ATG2A: variants seen among roughly 807,000 people sequenced by gnomAD.
The protein encoded by ATG2A is autophagy related 2A.
ATG2A carries 103 observed loss-of-function variants against 214.2 expected under a neutral mutation model. The ratio of observed to expected loss-of-function variants is 0.48; its 90% CI spans 0.41 to 0.57. ATG2A has a LOEUF of 0.57. ATG2A is among the 20% of genes least tolerant of loss of function. The pLI is 0.00. For missense variants in ATG2A, 2,312 were observed against 2,613.2 expected, an observed-to-expected ratio of 0.88 and a Z score of 2.51; for synonymous variants, 1,160 against 1,142.1, an observed-to-expected ratio of 1.02 and a Z score of -0.32.
At chr11:64,914,313 GC>G in intron 2 of ATG2A, 24 bp downstream of exon 2, 1 of 1,572,630 alleles carries the variant, frequency 6.4e-7, no homozygotes. Flanking sequence ...CCACTTGCCT[GC>G]CCCCAGCCTC....
rs1366169977 is a variant in ATG2A, at chr11:64,895,242, G to GTGAGGAGA, written c.5580+40_5581-34dup. 1.2e-6 allele frequency: 2 copies of GTGAGGAGA among 1,613,116 alleles called. No individual in the cohort carries two copies. The highest frequency in any genetic ancestry group is 1.7e-6 in the Non-Finnish European group (2 of 1,179,814). On this transcript the variant is annotated intron_variant, in intron 40 of 40. Transcript: ENST00000377264. The surrounding 1 kb of genome is among the most constrained non-coding windows in gnomAD (Gnocchi z 5.0). ...AGCCAGAGGTCAGGGCGGGGTCTGTGTGAGGAGATGGGCATGGGGGACTGG... is the reference window on the plus strand; with the variant it reads ...AGCCAGAGGTCAGGGCGGGGTCTGTGTGAGGAGATGAGGAGATGGGCATGGGGGACTGG...
Position 64,907,592 on chromosome 11 carries a change from C to T in ATG2A, c.2580G>A (p.Ser860=), listed in dbSNP as rs774798745. ...AGAAGCCTGAGGGGCCGGGGAAGCC[C>T]GAGGGCTGGGCGGCGGGGTCGGGGG... ...LPTPDPAAQP[S]GFPGPSGFWH... is the part of the protein sequence containing the mutation. Residue 860 remains serine (S), a synonymous_variant, in exon 18 of 41, where the codon TCG becomes TCA. Coordinates refer to ENST00000377264, the MANE Select transcript of ATG2A (RefSeq NM_015104.3). 1.3e-6 allele frequency: 2 copies of T among 1,597,274 alleles called. No homozygotes were observed. Among genetic ancestry groups the T allele is most frequent in the East Asian group, 2.2e-5 (1 of 44,476 alleles).
rs143634092 is a variant in ATG2A, at chr11:64,913,376, G to A, written c.616C>T (p.Arg206Trp). ...ACCGGCGGCGCCTGGCTTGGGTCCC[G>A]CACTGCCTCATCACAGTACTCCAGT... ...QRLEYCDEAV[R>W]DPSQAPPVDV... The change falls in exon 5 of 41, where the codon CGG becomes TGG. Residue 206 changes from arginine (R) to tryptophan (W), a missense_variant. Transcript: ENST00000377264. The surrounding 1 kb of genome is among the most constrained non-coding windows in gnomAD (Gnocchi z 4.3). The A allele has an allele frequency of 7.4e-5, 118 of 1,595,414 alleles. No homozygotes were observed. Among genetic ancestry groups the A allele is most frequent in the Admixed American group, 2.8e-4 (16 of 58,160 alleles).
chr11:64,897,433 T>C lies in ATG2A; in HGVS notation c.5129A>G (p.Lys1710Arg), dbSNP rs1453825146. Reference protein sequence around the residue: ...AQLNCSELKLKRLCCRHGLLG... With the variant: ...AQLNCSELKLRRLCCRHGLLG... ...TCACCCGTGCCTGCAACAGAGCCGC[T>C]TTAGCTTCAGCTCGGAGCAGTTGAG... The change falls in exon 37 of 41, where the codon AAG becomes AGG. Residue 1710 changes from lysine (K) to arginine (R), a missense_variant. Coordinates refer to ENST00000377264, the MANE Select transcript of ATG2A (RefSeq NM_015104.3). The C allele has an allele frequency of 6.4e-7, 1 of 1,569,468 alleles. No homozygotes were observed. Among genetic ancestry groups the C allele is most frequent in the Non-Finnish European group, 8.6e-7 (1 of 1,157,012 alleles).
Position 64,913,521 on chromosome 11 carries a change from C to T in ATG2A, c.591-120G>A. 7.7e-7 allele frequency: 1 copy of T among 1,293,446 alleles called. No homozygotes were observed. The highest frequency in any genetic ancestry group is 1.0e-6 in the Non-Finnish European group (1 of 965,890). 80.1% of individuals were successfully genotyped at this position (1,293,446 alleles called of 1,614,324 possible). On this transcript the variant is annotated intron_variant, in intron 4 of 40. Transcript: ENST00000377264. This position sits in a 1 kb window ranked among gnomAD's most constrained non-coding sequence, Gnocchi z 4.3. Reference sequence around the variant, plus strand: ...AGCCTAGCCTGCAGAGCTGCCCCATCACACCTAGGCCGTCCTGAACCACCA... The same window carrying T: ...AGCCTAGCCTGCAGAGCTGCCCCATTACACCTAGGCCGTCCTGAACCACCA...
At position 64,895,224 on chromosome 11, in the gene ATG2A, G is replaced by A. The variant is rs764339266; in HGVS notation, c.5581-15C>T. Reference sequence around the variant, plus strand: ...TCCAAGATGCCCTGTGGAAGCCAGAGGTCAGGGCGGGGTCTGTGTGAGGAG... The same window carrying A: ...TCCAAGATGCCCTGTGGAAGCCAGAAGTCAGGGCGGGGTCTGTGTGAGGAG... On this transcript the variant is annotated splice_polypyrimidine_tract_variant and intron_variant, in intron 40 of 40. Coordinates refer to ENST00000377264, the MANE Select transcript of ATG2A (RefSeq NM_015104.3). This position sits in a 1 kb window ranked among gnomAD's most constrained non-coding sequence, Gnocchi z 5.0. 65 of 1,613,006 alleles carry A rather than the reference G, an allele frequency of 4.0e-5. No homozygotes were observed. The highest frequency in any genetic ancestry group is 5.1e-5 in the Non-Finnish European group (60 of 1,179,784).
At position 64,910,852 on chromosome 11, in the gene ATG2A, C is replaced by T. The variant is rs752711721; in HGVS notation, c.1569G>A (p.Leu523=). The T allele has an allele frequency of 1.2e-6, 2 of 1,608,472 alleles. No individual in the cohort carries two copies. Among genetic ancestry groups the T allele is most frequent in the Middle Eastern group, 1.6e-4 (1 of 6,080 alleles). Residue 523 remains leucine, a synonymous_variant, in exon 11 of 41, where the codon CTG becomes CTA. Transcript: ENST00000377264. ...AGGTGCCCCGGGGCCACAGACACTC[C>T]AGCACCTCCAGCTGCCCGAAGTGCA... ...MEVHFGQLEV[L]ECLWPRGTSE... is the part of the protein sequence containing the mutation.
Position 64,898,028 on chromosome 11 carries a change from T to G in ATG2A, c.4859-54A>C. Reference sequence around the variant, plus strand: ...ATGGGGCCAGGAATGACTGGGAACCTGTGCTGTCCTGGGAGGCAGAAGGCC... The same window carrying G: ...ATGGGGCCAGGAATGACTGGGAACCGGTGCTGTCCTGGGAGGCAGAAGGCC... On this transcript the variant is annotated intron_variant, in intron 34 of 40. Coordinates refer to ENST00000377264, the MANE Select transcript of ATG2A (RefSeq NM_015104.3). This position sits in a 1 kb window ranked among gnomAD's most constrained non-coding sequence, Gnocchi z 4.5. The G allele has an allele frequency of 6.2e-7, 1 of 1,602,414 alleles. No homozygotes were observed. Among genetic ancestry groups the G allele is most frequent in the Non-Finnish European group, 8.5e-7 (1 of 1,175,494 alleles).
chr11:64,895,160 T>A lies in ATG2A; in HGVS notation c.5630A>T (p.His1877Leu). The A allele has an allele frequency of 6.2e-7, 1 of 1,613,082 alleles. No individual in the cohort carries two copies. The highest frequency in any genetic ancestry group is 8.5e-7 in the Non-Finnish European group (1 of 1,179,658). ...GGCGCCCGTCAGCCCCTTCTGCTCA[T>A]GGCCCCGCGATGCCACGTCACAGAT... ...QTICDVASRG[H>L]EQKGLTGAVG... The change falls in exon 41 of 41, where the codon CAT becomes CTT. Residue 1877 changes from histidine (H) to leucine (L), a missense_variant. Coordinates refer to ENST00000377264, the MANE Select transcript of ATG2A (RefSeq NM_015104.3). The surrounding 1 kb of genome is among the most constrained non-coding windows in gnomAD (Gnocchi z 5.0).
In ATG2A at chr11:64,903,387, G is replaced by C. The variant is rs893626829; in HGVS notation, c.3536-23C>G. 9.3e-6 allele frequency: 15 copies of C among 1,613,246 alleles called. No homozygotes were observed. The highest frequency in any genetic ancestry group is 1.2e-5 in the Non-Finnish European group (14 of 1,179,384). ...AATCTGCAGCAGAGGCGAGAGAAAG[G>C]TCCTGTGGCCCCCTTCCACCCGGCC... On this transcript the variant is annotated intron_variant, in intron 25 of 40. Coordinates refer to ENST00000377264, the MANE Select transcript of ATG2A (RefSeq NM_015104.3). The surrounding 1 kb of genome is among the most constrained non-coding windows in gnomAD (Gnocchi z 4.2).
rs376725606 is a variant in ATG2A at position 64,894,983 on chromosome 11, G to C, written c.5807C>G (p.Ala1936Gly). 3 of 1,612,100 alleles carry C rather than the reference G, an allele frequency of 1.9e-6. No homozygotes were observed. The Admixed American group carries it at 5.0e-5, about 27-fold the overall frequency. Residue 1936 changes from alanine to glycine, a missense_variant, in exon 41 of 41, where the codon GCC becomes GGC. Ala to Gly is a moderately conservative substitution (Grantham distance 60). Transcript: ENST00000377264. ...CCGGGCACCCCAGGCTCAGTCTTGG[G>C]CACTGTCCGAGCGCCACTTGAGGGC... ...DHALKWRSDS[A>G]QD
intron 24 of ATG2A, 88 bp downstream of exon 24, chr11:64,905,475 A>T: frequency 7.4e-7 from 1 of 1,348,864 alleles, no homozygotes; most frequent in South Asian, 1.3e-5. Context: ...GGTGTACATT[A>T]AGACCGAGAG....
intron 29 of ATG2A, among the ~76,000 whole-genome samples, chr11:64,901,353 TTA>T (rs1284432225): frequency 5.9e-5 from 9 of 152,104 alleles, no homozygotes; most frequent in African/African-American, 2.2e-4. Context: ...CTGGCTAATT[TTA>T]TTTTTATTTT....
chr11:64,906,136 G>A lies in ATG2A; in HGVS notation c.3241C>T (p.Pro1081Ser). 1.3e-6 allele frequency: 2 copies of A among 1,593,388 alleles called. No homozygotes were observed. The highest frequency in any genetic ancestry group is 1.3e-5 in the African/African-American group (1 of 74,648). Reference sequence around the variant, plus strand: ...ACCTGGGAATGCCAGCTCTGCTCGGGCAGGGCCATGTAGTGGCGCAAGGTG... The same window carrying A: ...ACCTGGGAATGCCAGCTCTGCTCGGACAGGGCCATGTAGTGGCGCAAGGTG... Reference protein sequence around the residue: ...KATLRHYMALPEQSWHSQLLE... With the variant: ...KATLRHYMALSEQSWHSQLLE... Residue 1081 changes from proline to serine, a missense_variant, in exon 22 of 41, where the codon CCC (proline) becomes TCC (serine). Coordinates refer to ENST00000377264, the MANE Select transcript of ATG2A (RefSeq NM_015104.3).
intron 23 of ATG2A, 26 bp downstream of exon 23, chr11:64,905,716 A>C (rs747752657): frequency 3.1e-5 from 50 of 1,613,282 alleles, no homozygotes; most frequent in Non-Finnish European, 3.8e-5. Context: ...CCCCGTCCCC[A>C]GCCCCTGGCC....
In ATG2A at chr11:64,895,411, G is replaced by A. The variant is rs748675061; in HGVS notation, c.5459C>T (p.Ser1820Phe). Residue 1820 changes from serine to phenylalanine, a missense_variant, in exon 40 of 41, where the codon TCC becomes TTC. Transcript: ENST00000377264. This position sits in a 1 kb window ranked among gnomAD's most constrained non-coding sequence, Gnocchi z 5.0. The stretch of plus-strand genomic sequence containing the variant: ...GGAGCGGGAGACGGGGGCTGCCGGG[G>A]ACAGGATGTCATACACGGTCTCAGC... ...ATAETVYDIL[S>F]PAAPVSRSLQ... is the part of the protein sequence containing the mutation. 1 of 1,605,528 alleles carries A rather than the reference G, an allele frequency of 6.2e-7. No individual in the cohort carries two copies. The highest frequency in any genetic ancestry group is 8.5e-7 in the Non-Finnish European group (1 of 1,175,614).
At position 64,913,088 on chromosome 11, in the gene ATG2A, T is replaced by C. The variant is rs373350375; in HGVS notation, c.775A>G (p.Met259Val). 6.3e-7 allele frequency: 1 copy of C among 1,578,036 alleles called. No individual in the cohort carries two copies. The change falls in exon 6 of 41, where the codon ATG becomes GTG. Residue 259 changes from methionine to valine, a missense_variant. By Grantham distance (21) the Met-to-Val change is conservative. Transcript: ENST00000377264. This position sits in a 1 kb window ranked among gnomAD's most constrained non-coding sequence, Gnocchi z 4.3. ...PLQIGSCSGY[M>V]ELMVKLKQNE... ...TGCTTCAACTTCACCATCAGCTCCA[T>C]GTACCCTGAGCAGCTGCCGATCTGC... is the stretch of plus-strand genomic sequence containing the variant.
Position 64,914,394 on chromosome 11 carries a change from T to C in ATG2A, c.278A>G (p.His93Arg). The C allele has an allele frequency of 6.2e-7, 1 of 1,611,946 alleles. No homozygotes were observed. Among genetic ancestry groups the C allele is most frequent in the Non-Finnish European group, 8.5e-7 (1 of 1,179,564 alleles). Residue 93 changes from histidine to arginine, a missense_variant, in exon 2 of 41, where the codon CAC (histidine) becomes CGC (arginine). His to Arg is a conservative substitution (Grantham distance 29). Coordinates refer to ENST00000377264, the MANE Select transcript of ATG2A (RefSeq NM_015104.3). Reference protein sequence around the residue: ...AVPWAALLTDHCTVRVSGLQL... With the variant: ...AVPWAALLTDRCTVRVSGLQL... ...GAGGCCGGACACGCGCACTGTGCAG[T>C]GGTCGGTGAGCAGAGCAGCCCAGGG... is the stretch of plus-strand genomic sequence containing the variant.
At position 64,905,830 on chromosome 11, in the gene ATG2A, C is replaced by A; in HGVS notation, c.3283G>T (p.Val1095Leu). 1 of 1,613,552 alleles carries A rather than the reference C, an allele frequency of 6.2e-7. No individual in the cohort carries two copies. Among genetic ancestry groups the A allele is most frequent in the South Asian group, 1.1e-5 (1 of 91,084 alleles). ...WHSQLLEFLD[V>L]LDDPVLGYLP... is the part of the protein sequence containing the mutation. ...TAGCCCAGCACAGGGTCATCCAGCACGTCTAGGAACTCCAACAACTTCAGA... is the reference window on the plus strand; with the variant it reads ...TAGCCCAGCACAGGGTCATCCAGCAAGTCTAGGAACTCCAACAACTTCAGA... The change falls in exon 23 of 41, where the codon GTG becomes TTG. Residue 1095 changes from valine to leucine, a missense_variant. Val to Leu is a conservative substitution (Grantham distance 32, BLOSUM62 1). Transcript: ENST00000377264.
Sources: gnomAD v4.1 joint callset for allele counts (sites outside exome capture counted in the v4.1 genomes callset) on GRCh38, gnomAD v4.1.1 for gene constraint, Gnocchi (gnomAD v3.1) non-coding constraint, MANE v1.5 for transcripts, NCBI Gene and HGNC (gene_info 2026-07-23, HGNC 2026-07-21) for gene names.